The following CDC42BPB variants were observed in gnomAD, a reference collection of about 807,000 sequenced individuals.
CDC42BPB encodes the protein CDC42 binding protein kinase beta, also known as serine/threonine-protein kinase MRCK beta.
CDC42BPB carries 37 observed loss-of-function variants against 214.9 expected under a neutral mutation model. The observed-to-expected ratio is 0.17, with a 90% confidence interval of 0.13 to 0.23. CDC42BPB has a LOEUF of 0.23. Ranked by LOEUF, CDC42BPB falls within the 10% of genes least tolerant of loss-of-function variation. The pLI, the probability that CDC42BPB is intolerant of heterozygous loss-of-function variation, is 1.00. For synonymous variants in CDC42BPB, 931 were observed against 884.0 expected, an observed-to-expected ratio of 1.05 and a Z score of -0.94; for missense variants, 1,694 against 2,227.0, an observed-to-expected ratio of 0.76 and a Z score of 4.82.
chr14:103,003,028 T>G (rs1231097726), intron 4 of CDC42BPB, among the ~76,000 whole-genome samples: 1 of 152,056 alleles, frequency 6.6e-6, no homozygotes, highest in African/African-American at 2.4e-5. Context: ...CCCAGGAGCT[T>G]CAGGTGGACA....
At chr14:103,048,079 T>TC (rs1888395321) in intron 1 of CDC42BPB, among the ~76,000 whole-genome samples, 1 of 152,040 alleles carries the variant, frequency 6.6e-6, no homozygotes, top group Non-Finnish European at 1.5e-5. Context: ...TGAAAAGCAC[T>TC]CCAAGGAGGA....
chr14:103,004,082 C>A lies in CDC42BPB; in HGVS notation c.352-59G>T. On this transcript the variant is annotated intron_variant, in intron 3 of 36. Transcript: ENST00000361246. The surrounding 1 kb of genome is among the most constrained non-coding windows in gnomAD (Gnocchi z 5.3). ...ACTGGGAAGCAGGCCAGAGAGCGTA[C>A]TGCCGGTCTCGGGGTCCCTCCTGGG... The A allele has an allele frequency of 4.6e-6, 7 of 1,510,076 alleles. No homozygotes were observed. In the South Asian group the frequency reaches 8.6e-5, roughly 18 times the overall value. 93.5% of individuals were successfully genotyped at this position (1,510,076 alleles called of 1,614,324 possible).
At chr14:103,019,351 C>G (rs1262196458) in intron 1 of CDC42BPB, among the ~76,000 whole-genome samples, 1 of 152,208 alleles carries the variant, frequency 6.6e-6, no homozygotes, top group Non-Finnish European at 1.5e-5. Context: ...GGCTACTGTC[C>G]ACCACGCCTT....
intron 22 of CDC42BPB, 74 bp downstream of exon 22, chr14:102,954,528 G>A: frequency 6.9e-7 from 1 of 1,457,710 alleles, no homozygotes; most frequent in Non-Finnish European, 9.5e-7. Context: ...CAGGGGCCAG[G>A]TGAGCAGCAT....
chr14:102,985,181 G>GT (rs1894183864), intron 6 of CDC42BPB, among the ~76,000 whole-genome samples: 1 of 148,118 alleles, frequency 6.8e-6, no homozygotes, highest in Non-Finnish European at 1.5e-5. Flanking sequence ...TGGTTATACT[G>GT]TGACAGGGTG....
chr14:103,006,398 C>T lies in CDC42BPB; in HGVS notation c.351+2074G>A, dbSNP rs74082734. ...GAAGCTCTGCCTGGCAGCTAGCTGCCCAGAGCATTTAGGAAAAACCCATTC... is the reference window on the plus strand; with the variant it reads ...GAAGCTCTGCCTGGCAGCTAGCTGCTCAGAGCATTTAGGAAAAACCCATTC... On this transcript the variant is annotated intron_variant, in intron 3 of 36. Transcript: ENST00000361246. Among the ~76,000 whole-genome samples the T allele has an allele frequency of 6.0e-3, 916 of 152,340 alleles. 13 individuals carry two copies. The highest frequency in any genetic ancestry group is 0.021 in the African/African-American group (874 of 41,576).
chr14:103,037,041 G>A (rs1189379008), intron 1 of CDC42BPB, among the ~76,000 whole-genome samples: 1 of 151,892 alleles, frequency 6.6e-6, no homozygotes, highest in Admixed American at 6.6e-5. Flanking sequence ...CTGGACTCAG[G>A]TATATCTGCC....
chr14:102,964,198 C>T (rs1001367792), intron 19 of CDC42BPB, among the ~76,000 whole-genome samples: 6 of 152,246 alleles, frequency 3.9e-5, no homozygotes, highest in Admixed American at 1.3e-4. Context: ...TGTCAGACAG[C>T]GGTGTGAGTC....
intron 1 of CDC42BPB, among the ~76,000 whole-genome samples, chr14:103,037,468 A>G (rs769549851): frequency 6.6e-6 from 1 of 152,136 alleles, no homozygotes; most frequent in Non-Finnish European, 1.5e-5. Flanking sequence ...TAATTTTTGT[A>G]TAATTTGTAG....
chr14:103,018,952 G>A (rs1886620485), intron 1 of CDC42BPB, among the ~76,000 whole-genome samples: 1 of 152,082 alleles, frequency 6.6e-6, no homozygotes, highest in African/African-American at 2.4e-5. Flanking sequence ...TTTTTGGTTT[G>A]TTTGTTTTTG....
chr14:102,990,576 T>C (rs930785951), intron 5 of CDC42BPB, among the ~76,000 whole-genome samples: 11 of 152,164 alleles, frequency 7.2e-5, no homozygotes, highest in Non-Finnish European at 2.9e-5. Context: ...CATGAGTGTG[T>C]CTATACCTCT....
In CDC42BPB at chr14:102,944,068, G is replaced by C. The variant is rs145737227; in HGVS notation, c.4231C>G (p.Pro1411Ala). 6.2e-6 allele frequency: 10 copies of C among 1,613,590 alleles called. No individual in the cohort carries two copies. The highest frequency in any genetic ancestry group is 8.5e-6 in the Non-Finnish European group (10 of 1,180,016). ...GDGQPLNLVN[P>A]NDPSLAFLSQ... ...AGGAACGCAAGCGAGGGGTCATTGG[G>C]ATTTACCAGGTTTAGAGGCTGCCCG... is the stretch of plus-strand genomic sequence containing the variant. The change falls in exon 30 of 37, where the codon CCC becomes GCC. Residue 1411 changes from proline (P) to alanine (A), a missense_variant. Coordinates refer to ENST00000361246, the MANE Select transcript of CDC42BPB (RefSeq NM_006035.4). The surrounding 1 kb of genome is among the most constrained non-coding windows in gnomAD (Gnocchi z 6.6).
rs1256915996 is a variant in CDC42BPB, at chr14:102,938,321, A to G, written c.4918T>C (p.Ser1640Pro). The G allele has an allele frequency of 1.2e-6, 2 of 1,607,928 alleles. No homozygotes were observed. Among genetic ancestry groups the G allele is most frequent in the Admixed American group, 1.7e-5 (1 of 59,244 alleles). ...QPPSRNKPYI[S>P]WPSSGGSEPS... ...TCCCCTGTACCTGATGAGGGCCACG[A>G]GATGTAGGGCTTGTTCCTGGATGGA... Residue 1640 changes from serine (S) to proline (P), a missense_variant, in exon 35 of 37, where the codon TCG (serine) becomes CCG (proline). Ser to Pro is a moderately conservative substitution (Grantham distance 74). Transcript: ENST00000361246.
intron 5 of CDC42BPB, among the ~76,000 whole-genome samples, chr14:102,990,119 G>A (rs118066075): frequency 0.031 from 4,698 of 152,214 alleles, 89 homozygotes; most frequent in Middle Eastern, 0.071. Context: ...AACGTCCTAC[G>A]TACTCAAAGA....
intron 23 of CDC42BPB, among the ~76,000 whole-genome samples, chr14:102,953,708 C>T (rs2139404260): frequency 6.6e-6 from 1 of 152,360 alleles, no homozygotes; most frequent in African/African-American, 2.4e-5. Context: ...AGCAGGGGCC[C>T]AGTGGGGCCG....
In CDC42BPB at chr14:102,943,416, C is replaced by T. The variant is rs1266548473; in HGVS notation, c.4408+475G>A. 6.6e-6 allele frequency among the ~76,000 whole-genome samples: 1 copy of T among 152,194 alleles called. No homozygotes were observed. The highest frequency in any genetic ancestry group is 2.4e-5 in the African/African-American group (1 of 41,456). On this transcript the variant is annotated intron_variant, in intron 30 of 36. Transcript: ENST00000361246. This position sits in a 1 kb window ranked among gnomAD's most constrained non-coding sequence, Gnocchi z 4.6. ...TGACCCAACTGTTTGAAAAACAGCC[C>T]CTACCACTTTCAGAAAATACTTGTC...
intron 36 of CDC42BPB, among the ~76,000 whole-genome samples, chr14:102,937,618 A>G (rs1347818588): frequency 2.0e-5 from 3 of 152,092 alleles, no homozygotes; most frequent in Non-Finnish European, 4.4e-5. Flanking sequence ...CATTCCGCAC[A>G]GGGGAAACTG....
intron 13 of CDC42BPB, 47 bp from the exon 14 acceptor site, chr14:102,970,308 T>C (rs1893418731): frequency 6.4e-7 from 1 of 1,567,942 alleles, no homozygotes; most frequent in Non-Finnish European, 8.7e-7. Context: ...CGAGCCCTGC[T>C]TCACCAGTTA....
At chr14:103,055,457 G>C (rs776473184) in intron 1 of CDC42BPB, among the ~76,000 whole-genome samples, 4 of 152,192 alleles carry the variant, frequency 2.6e-5, no homozygotes, top group Non-Finnish European at 4.4e-5. Context: ...AAAATATTCA[G>C]ATTTTAACAT....
Sources: allele counts gnomAD v4.1 joint callset (sites outside exome capture counted in the v4.1 genomes callset), GRCh38; gene constraint gnomAD v4.1.1; non-coding constraint Gnocchi (gnomAD v3.1); transcripts MANE v1.5; gene names NCBI Gene and HGNC (gene_info 2026-07-23, HGNC 2026-07-21).